The following GATA4 variants were observed in gnomAD, a reference collection of about 807,000 sequenced individuals.
GATA4 encodes the protein transcription factor GATA-4.
In GATA4, 7 loss-of-function variants were observed where a neutral mutation model predicts 37.9. The ratio of observed to expected loss-of-function variants is 0.18; its 90% CI spans 0.11 to 0.35. The LOEUF is 0.35. GATA4 is among the 10% of genes least tolerant of loss of function. GATA4 has a pLI of 1.00. For synonymous variants in GATA4, 372 were observed against 292.6 expected, an observed-to-expected ratio of 1.27 and a Z score of -2.77; for missense variants, 647 against 653.0, an observed-to-expected ratio of 0.99 and a Z score of 0.10.
chr8:11,700,004 C>T (rs1799622632), upstream of GATA4, among the ~76,000 whole-genome samples: 1 of 152,182 alleles, frequency 6.6e-6, no homozygotes, highest in African/African-American at 2.4e-5. Flanking sequence ...AGGTTCTAGA[C>T]CTGCAGTTTC....
chr8:11,741,762 C>T lies in GATA4; in HGVS notation c.617-7154C>T, dbSNP rs146711245. Among the ~76,000 whole-genome samples the T allele has an allele frequency of 2.3e-4, 35 of 152,332 alleles. 1 individual carries two copies. Among genetic ancestry groups the T allele is most frequent in the Middle Eastern group, 3.4e-3 (1 of 294 alleles). On this transcript the variant is annotated intron_variant, in intron 2 of 6. Coordinates refer to ENST00000532059, the MANE Select transcript of GATA4 (RefSeq NM_001308093.3). ...GTGGGTGAGCTGAGAAGCATTGAGA[C>T]AGAGATGTTGGGAAGTTTCTGAGAT...
intron 2 of GATA4, among the ~76,000 whole-genome samples, chr8:11,737,935 C>A (rs566011374): frequency 1.3e-5 from 2 of 152,180 alleles, no homozygotes; most frequent in Admixed American, 1.3e-4. Context: ...AATCCCAGTG[C>A]TTTGGGAGCC....
intron 2 of GATA4, among the ~76,000 whole-genome samples, chr8:11,748,393 T>C (rs754140605): frequency 5.9e-5 from 9 of 152,046 alleles, no homozygotes; most frequent in Non-Finnish European, 1.3e-4. Context: ...CTGTCTCTAA[T>C]AAAAAGAATA....
At chr8:11,733,067 A>C (rs1198288564) in intron 2 of GATA4, among the ~76,000 whole-genome samples, 1 of 152,196 alleles carries the variant, frequency 6.6e-6, no homozygotes. Flanking sequence ...TTTGCAGATA[A>C]AATACTGGTC....
At chr8:11,679,368 G>A (rs10095214) in intron 1 of GATA4, among the ~76,000 whole-genome samples, 48,073 of 151,984 alleles carry the variant, frequency 0.32, 8,215 homozygotes, top group East Asian at 0.73. Flanking sequence ...GGCTCGCGCC[G>A]CACGACTGTA....
chr8:11,710,843 C>T (rs1464484143), intron 2 of GATA4, among the ~76,000 whole-genome samples: 1 of 152,168 alleles, frequency 6.6e-6, no homozygotes, highest in Non-Finnish European at 1.5e-5. Context: ...AAATACCCGC[C>T]GGGCGCGGTG....
At chr8:11,710,025 C>T (rs945513898) in intron 2 of GATA4, among the ~76,000 whole-genome samples, 18 of 152,212 alleles carry the variant, frequency 1.2e-4, no homozygotes, top group African/African-American at 4.3e-4. Context: ...CTAAATCCTT[C>T]TGCATTTGTT....
intron 2 of GATA4, among the ~76,000 whole-genome samples, chr8:11,748,446 T>A (rs779269313): frequency 1.3e-5 from 2 of 152,130 alleles, no homozygotes; most frequent in Non-Finnish European, 2.9e-5. Context: ...AACCAAATGC[T>A]CAAAACATTA....
chr8:11,679,185 G>A (rs1798874837), intron 1 of GATA4, among the ~76,000 whole-genome samples: 1 of 147,362 alleles, frequency 6.8e-6, no homozygotes, highest in African/African-American at 2.5e-5. Context: ...ATTGCGGGGG[G>A]GGGCACTTTC....
upstream of GATA4, among the ~76,000 whole-genome samples, chr8:11,688,184 A>T (rs1360288553): frequency 6.6e-6 from 1 of 152,172 alleles, no homozygotes; most frequent in African/African-American, 2.4e-5. Context: ...AGCCCCCCAC[A>T]CACGTGAGAT....
intron 2 of GATA4, among the ~76,000 whole-genome samples, chr8:11,713,874 A>T (rs953310513): frequency 2.7e-4 from 41 of 152,288 alleles, no homozygotes; most frequent in Admixed American, 2.0e-3. Flanking sequence ...TGTGAAACGG[A>T]CGTAGCCGGA....
rs766957594 is a variant in GATA4 at position 11,749,145 on chromosome 8, G to A, written c.786+60G>A. 7 of 1,561,894 alleles carry A rather than the reference G, an allele frequency of 4.5e-6. No homozygotes were observed. The highest frequency in any genetic ancestry group is 6.1e-6 in the Non-Finnish European group (7 of 1,141,530). ...TGGCTGCGGAGCTCTCGCCTTGGTG[G>A]GACATCCTCTGGTTTTGAATTTTGG... On this transcript the variant is annotated intron_variant, in intron 3 of 6. Transcript: ENST00000532059. The surrounding 1 kb of genome is among the most constrained non-coding windows in gnomAD (Gnocchi z 4.6).
intron 6 of GATA4, among the ~76,000 whole-genome samples, chr8:11,757,568 G>C (rs1326379124): frequency 6.6e-6 from 1 of 152,242 alleles, no homozygotes; most frequent in Non-Finnish European, 1.5e-5. Context: ...AACAGGGAGG[G>C]TGGGGAAGGA....
upstream of GATA4, among the ~76,000 whole-genome samples, chr8:11,691,773 C>T (rs1014360729): frequency 2.6e-5 from 4 of 152,152 alleles, no homozygotes; most frequent in Admixed American, 1.3e-4. Flanking sequence ...GACACTCAGG[C>T]CACAGCAACC....
intron 1 of GATA4, among the ~76,000 whole-genome samples, chr8:11,696,694 G>C (rs1799518302): frequency 6.6e-6 from 1 of 152,234 alleles, no homozygotes; most frequent in South Asian, 2.1e-4. Context: ...ACTGGGGTGA[G>C]GACGTCACAA....
At chr8:11,693,485 A>G (rs1799392008) in intron 1 of GATA4, among the ~76,000 whole-genome samples, 1 of 150,950 alleles carries the variant, frequency 6.6e-6, no homozygotes, top group South Asian at 2.1e-4. Flanking sequence ...AAGAAGAGAG[A>G]GAGAGAGAGA....
chr8:11,699,496 G>A (rs750472175), upstream of GATA4, among the ~76,000 whole-genome samples: 5 of 152,276 alleles, frequency 3.3e-5, no homozygotes, highest in Non-Finnish European at 4.4e-5. Flanking sequence ...GGTGGCCTGG[G>A]CAGTAGGTGT....
intron 4 of GATA4, 120 bp downstream of exon 4, chr8:11,750,356 T>G: frequency 7.1e-7 from 1 of 1,403,168 alleles, no homozygotes; most frequent in South Asian, 1.2e-5. Flanking sequence ...AGACTTAGAT[T>G]TGGAAGGGGC....
At chr8:11,727,066 C>G (rs1436200211) in intron 2 of GATA4, among the ~76,000 whole-genome samples, 1 of 152,202 alleles carries the variant, frequency 6.6e-6, no homozygotes, top group Non-Finnish European at 1.5e-5. Flanking sequence ...AGCCATGCCT[C>G]TCAGCCTCAT....
Sources: allele counts gnomAD v4.1 joint callset (sites outside exome capture counted in the v4.1 genomes callset), GRCh38; gene constraint gnomAD v4.1.1; non-coding constraint Gnocchi (gnomAD v3.1); transcripts MANE v1.5; gene names NCBI Gene and HGNC (gene_info 2026-07-23, HGNC 2026-07-21).